ADGRF5: variants seen among roughly 807,000 people sequenced by gnomAD.
ADGRF5 encodes adhesion G protein-coupled receptor F5, also known as G-protein coupled receptor 116.
ADGRF5 carries 75 observed loss-of-function variants against 132.3 expected under a neutral mutation model. The ratio of observed to expected loss-of-function variants is 0.57; its 90% CI spans 0.47 to 0.69. The LOEUF (loss-of-function observed/expected upper bound fraction) is 0.69, where lower values mean the gene tolerates loss of function less well. ADGRF5 is among the 30% of genes least tolerant of loss of function. The pLI, the probability that ADGRF5 is intolerant of heterozygous loss-of-function variation, is 0.00. For missense variants in ADGRF5, 1,516 were observed against 1,630.6 expected (o/e 0.93, Z 1.21); for synonymous variants, 629 against 597.6 (o/e 1.05, Z -0.77).
At chr6:46,881,709 G>T in intron 7 of ADGRF5, 112 bp from the exon 8 acceptor site, 1 of 833,912 alleles carries the variant, frequency 1.2e-6, no homozygotes, top group Non-Finnish European at 1.9e-6. Flanking sequence ...GATGCAGCAT[G>T]CAAATCTATG....
intron 1 of ADGRF5, among the ~76,000 whole-genome samples, chr6:46,953,663 A>ATATATAGATATATG (rs1419818692): frequency 1.7e-4 from 22 of 127,704 alleles, no homozygotes; most frequent in African/African-American, 6.3e-4. Context: ...ATATATATAT[A>ATATATAGATATATG]TATATATATA....
At chr6:46,905,318 G>A (rs1243342605) in intron 2 of ADGRF5, 1 of 151,946 alleles carries the variant, frequency 6.6e-6, no homozygotes, top group Non-Finnish European at 1.5e-5. Flanking sequence ...TGGAAGAGGA[G>A]ACACACCATA....
Position 46,889,512 on chromosome 6 carries a change from T to C in ADGRF5, c.158-1007A>G, listed in dbSNP as rs936267417. Among the ~76,000 whole-genome samples the C allele has an allele frequency of 8.2e-5, 12 of 146,194 alleles. No homozygotes were observed. In the South Asian group the frequency reaches 1.5e-3, roughly 18 times the overall value. ...TAAGTTTATATATAGAGAGAGACTA[T>C]ATATAGTCTACTCTATGTTTATATA... On this transcript the variant is annotated intron_variant, in intron 3 of 20. Coordinates refer to ENST00000283296, the MANE Select transcript of ADGRF5 (RefSeq NM_001098518.2).
upstream of ADGRF5, among the ~76,000 whole-genome samples, chr6:46,922,447 T>G (rs559421831): frequency 3.9e-5 from 6 of 152,348 alleles, no homozygotes; most frequent in South Asian, 1.2e-3. Flanking sequence ...TGAGTATTTG[T>G]GTATCAAACT....
rs1562177432 is a variant in ADGRF5, at chr6:46,878,227, C to T, written c.1215G>A (p.Lys405=). The T allele has an allele frequency of 5.0e-6, 8 of 1,612,484 alleles. No individual in the cohort carries two copies. Among genetic ancestry groups the T allele is most frequent in the East Asian group, 2.2e-5 (1 of 44,852 alleles). The change falls in exon 10 of 21, where the codon AAG becomes AAA. Residue 405 remains lysine, a synonymous_variant. Transcript: ENST00000283296. ...CTGGAATATTTATTTTTCCTTCCTG[C>T]TTCCATTCTACTTTGCTCCAATTAA... is the stretch of plus-strand genomic sequence containing the variant. ...GNVNWSKVEW[K]QEGKINIPGT... is the part of the protein sequence containing the mutation.
In ADGRF5 at chr6:46,897,350, TA is replaced by T. The variant is rs533548318; in HGVS notation, c.157+2678del. Among the ~76,000 whole-genome samples the T allele has an allele frequency of 9.1e-4, 138 of 152,186 alleles. 1 individual carries two copies. Among genetic ancestry groups the T allele is most frequent in the Middle Eastern group, 3.4e-3 (1 of 294 alleles). On this transcript the variant is annotated intron_variant, in intron 3 of 20. Coordinates refer to ENST00000283296, the MANE Select transcript of ADGRF5 (RefSeq NM_001098518.2). ...AAAAAAAAGAAAAAAACTCCTGACC[TA>T]ATTGTTTTTCTCCTAGAACCTTTGT...
chr6:46,929,859 T>G (rs1432470348), intron 1 of ADGRF5, among the ~76,000 whole-genome samples: 1 of 152,144 alleles, frequency 6.6e-6, no homozygotes, highest in Non-Finnish European at 1.5e-5. Flanking sequence ...TTCACTCTTG[T>G]TGCCCAGGCT....
chr6:46,859,942 G>A (rs1244152437), intron 16 of ADGRF5, among the ~76,000 whole-genome samples: 2 of 151,820 alleles, frequency 1.3e-5, no homozygotes, highest in African/African-American at 2.4e-5. Flanking sequence ...CATCCGCCTC[G>A]GCCTCCCAAA....
Position 46,858,730 on chromosome 6 carries a change from G to A in ADGRF5, c.3173C>T (p.Ala1058Val). The A allele has an allele frequency of 1.2e-6, 2 of 1,614,162 alleles. No individual in the cohort carries two copies. The highest frequency in any genetic ancestry group is 1.7e-6 in the Non-Finnish European group (2 of 1,180,018). The change falls in exon 17 of 21, where the codon GCT becomes GTT. Residue 1058 changes from alanine to valine, a missense_variant. Ala to Val is a moderately conservative substitution (Grantham distance 64, BLOSUM62 0). Transcript: ENST00000283296. ...GGTGTTGGCGACCAGAAGGGAGGCA[G>A]CGATATTCACTATGCAGGTGTGGCG... ...YMRHTCIVNI[A>V]ASLLVANTWF...
intron 1 of ADGRF5, among the ~76,000 whole-genome samples, chr6:46,928,589 T>G (rs1384769670): frequency 6.6e-6 from 1 of 152,170 alleles, no homozygotes; most frequent in Non-Finnish European, 1.5e-5. Context: ...CTTCTCTCAT[T>G]GGCTCCTCTA....
intron 1 of ADGRF5, among the ~76,000 whole-genome samples, chr6:46,931,860 C>T (rs1285193648): frequency 6.6e-6 from 1 of 152,154 alleles, no homozygotes; most frequent in East Asian, 1.9e-4. Context: ...GCAGAGGTTG[C>T]AGTGAGCTGA....
At chr6:46,905,000 T>C (rs768208349) in intron 2 of ADGRF5, among the ~76,000 whole-genome samples, 2 of 152,110 alleles carry the variant, frequency 1.3e-5, no homozygotes, top group Non-Finnish European at 2.9e-5. Flanking sequence ...GGTCAGCTTA[T>C]CCCCTGACCA....
chr6:46,942,777 T>C (rs1778143856), intron 1 of ADGRF5, among the ~76,000 whole-genome samples: 1 of 152,214 alleles, frequency 6.6e-6, no homozygotes, highest in South Asian at 2.1e-4. Flanking sequence ...TATTTCTTTC[T>C]TCCTTTTTCT....
At chr6:46,952,887 C>A (rs182394634) in intron 1 of ADGRF5, among the ~76,000 whole-genome samples, 1 of 152,132 alleles carries the variant, frequency 6.6e-6, no homozygotes, top group Admixed American at 6.5e-5. Flanking sequence ...AAATAGCAGA[C>A]CTGAGAACCG....
intron 3 of ADGRF5, among the ~76,000 whole-genome samples, chr6:46,890,410 T>C (rs1773528845): frequency 6.6e-6 from 1 of 151,976 alleles, no homozygotes; most frequent in Non-Finnish European, 1.5e-5. Flanking sequence ...ATATTTTATC[T>C]TGTCAGTTAA....
intron 2 of ADGRF5, among the ~76,000 whole-genome samples, chr6:46,902,026 GAAAT>G (rs1562216339): frequency 6.6e-6 from 1 of 152,212 alleles, no homozygotes; most frequent in Non-Finnish European, 1.5e-5. Context: ...CGTTCTTGAA[GAAAT>G]AAATAGGGGA....
chr6:46,861,481 CTA>C (rs1432250530), intron 15 of ADGRF5, among the ~76,000 whole-genome samples: 3 of 152,138 alleles, frequency 2.0e-5, no homozygotes, highest in Admixed American at 1.3e-4. Context: ...ATTCTGTCTT[CTA>C]CGAAAAGCAT....
intron 14 of ADGRF5, among the ~76,000 whole-genome samples, chr6:46,864,534 T>G (rs1770171792): frequency 6.6e-6 from 1 of 151,772 alleles, no homozygotes; most frequent in African/African-American, 2.4e-5. Context: ...TAATTTTTTT[T>G]TTTTTTTTTT....
At chr6:46,922,334 A>T (rs780793453), upstream of ADGRF5, among the ~76,000 whole-genome samples, 1 of 152,194 alleles carries the variant, frequency 6.6e-6, no homozygotes, top group Non-Finnish European at 1.5e-5. Flanking sequence ...AGAAGAGAAG[A>T]GACCTAGAGA....
Sources: allele counts gnomAD v4.1 joint callset (sites outside exome capture counted in the v4.1 genomes callset), GRCh38; gene constraint gnomAD v4.1.1; transcripts MANE v1.5; gene names NCBI Gene and HGNC (gene_info 2026-07-23, HGNC 2026-07-21).